Variants in MPHOSPH9 observed in about 807,000 individuals in gnomAD.
MPHOSPH9 encodes M-phase phosphoprotein 9.
In MPHOSPH9, 88 loss-of-function variants were observed where a neutral mutation model predicts 145.5. The ratio of observed to expected loss-of-function variants is 0.60; its 90% CI spans 0.51 to 0.72. The LOEUF is 0.72. Ranked by LOEUF, MPHOSPH9 falls within the 30% of genes least tolerant of loss-of-function variation. The pLI is 0.00. For synonymous variants in MPHOSPH9, 435 were observed against 486.2 expected, an observed-to-expected ratio of 0.89 and a Z score of 1.39; for missense variants, 1,238 against 1,386.6, an observed-to-expected ratio of 0.89 and a Z score of 1.70.
intron 3 of MPHOSPH9, among the ~76,000 whole-genome samples, chr12:123,223,360 T>C (rs564181658): frequency 6.6e-6 from 1 of 152,042 alleles, no homozygotes; most frequent in African/African-American, 2.4e-5. Flanking sequence ...ACAGACCACA[T>C]GCAGCAATAT....
In MPHOSPH9 at chr12:123,203,065, G is replaced by A. The variant is rs376540036; in HGVS notation, c.1340C>T (p.Thr447Met). Residue 447 changes from threonine (T) to methionine (M), a missense_variant, in exon 10 of 24, where the codon ACG (threonine) becomes ATG (methionine). Around this residue, in one of 3 missense-constraint regions of MPHOSPH9, gnomAD observed 837 missense variants for 897.5 expected, o/e 0.93. Transcript: ENST00000606320. ...CTGCTGCTTTGGCTTCATGTGTAAC[G>A]TAGGATCTAGAGTCAGGACCTGGAA... ...HPPEVLTLDP[T>M]LHMKPKQQIS... The A allele has an allele frequency of 2.8e-5, 45 of 1,613,336 alleles. No individual in the cohort carries two copies. The highest frequency in any genetic ancestry group is 6.7e-5 in the Admixed American group (4 of 59,904).
intron 1 of MPHOSPH9, among the ~76,000 whole-genome samples, chr12:123,240,298 C>T (rs1283536963): frequency 3.3e-5 from 5 of 151,018 alleles, no homozygotes; most frequent in African/African-American, 7.3e-5. Flanking sequence ...TGCTAGAACC[C>T]GGGAGGCGGA....
At chr12:123,189,969 T>C (rs1184565994) in intron 13 of MPHOSPH9, among the ~76,000 whole-genome samples, 1 of 150,616 alleles carries the variant, frequency 6.6e-6, no homozygotes, top group African/African-American at 2.4e-5. Flanking sequence ...TAAGTATTGA[T>C]AGTATTTATA....
In MPHOSPH9 at chr12:123,154,675, A is replaced by C. The variant is rs938780726; in HGVS notation, c.*2132T>G. The C allele has an allele frequency of 6.6e-6, 1 of 152,230 alleles. No homozygotes were observed. The highest frequency in any genetic ancestry group is 1.5e-5 in the Non-Finnish European group (1 of 68,048). 9.4% of individuals were successfully genotyped at this position (152,230 alleles called of 1,614,324 possible). On this transcript the variant is annotated 3_prime_UTR_variant, in exon 24 of 24. Coordinates refer to ENST00000606320, the MANE Select transcript of MPHOSPH9 (RefSeq NM_022782.4). ...TAAGAATGTAGTAGATTTTACAATA[A>C]AAGTAGGGAACAAGGAAATATCCTA...
chr12:123,189,843 G>A (rs1443567184), intron 13 of MPHOSPH9, among the ~76,000 whole-genome samples: 1 of 151,966 alleles, frequency 6.6e-6, no homozygotes, highest in Non-Finnish European at 1.5e-5. Flanking sequence ...GGCTGAGGCA[G>A]GAGAATGGCA....
chr12:123,158,194 T>C (rs1218971251), intron 23 of MPHOSPH9, among the ~76,000 whole-genome samples: 1 of 152,112 alleles, frequency 6.6e-6, no homozygotes, highest in East Asian at 1.9e-4. Flanking sequence ...TTCGCCATAT[T>C]GGCCAAGCTG....
chr12:123,202,076 A>C (rs1191643350), intron 11 of MPHOSPH9, 88 bp downstream of exon 11: 1 of 1,315,798 alleles, frequency 7.6e-7, no homozygotes, highest in African/African-American at 1.5e-5. Context: ...GATCCAAAGT[A>C]TTTTCAAAGT....
chr12:123,220,022 C>T (rs2695480), intron 5 of MPHOSPH9, among the ~76,000 whole-genome samples: 126,500 of 151,970 alleles, frequency 0.83, 52,871 homozygotes, highest in East Asian at 1. Context: ...GGCGAAACCC[C>T]GTCTCTACTA....
At chr12:123,221,076 C>T (rs2047181103) in intron 5 of MPHOSPH9, among the ~76,000 whole-genome samples, 1 of 152,126 alleles carries the variant, frequency 6.6e-6, no homozygotes, top group African/African-American at 2.4e-5. Context: ...AAAAATTGTT[C>T]AAATTACATG....
intron 3 of MPHOSPH9, among the ~76,000 whole-genome samples, chr12:123,225,270 C>G (rs551017760): frequency 1.3e-5 from 2 of 151,448 alleles, no homozygotes; most frequent in East Asian, 2.0e-4. Context: ...ATAGCAAAAC[C>G]TTGTCTCAAC....
chr12:123,174,343 C>T (rs1238304921), intron 16 of MPHOSPH9, among the ~76,000 whole-genome samples: 1 of 150,712 alleles, frequency 6.6e-6, no homozygotes, highest in Non-Finnish European at 1.5e-5. Context: ...CATTCTACAA[C>T]TTTACGCACC....
intron 6 of MPHOSPH9, among the ~76,000 whole-genome samples, chr12:123,215,614 T>C (rs991543019): frequency 6.6e-6 from 1 of 152,282 alleles, no homozygotes; most frequent in South Asian, 2.1e-4. Context: ...TACAAACAAT[T>C]GGTTAGTAGT....
chr12:123,183,772 C>A (rs1047334104), intron 13 of MPHOSPH9, among the ~76,000 whole-genome samples: 2 of 151,916 alleles, frequency 1.3e-5, no homozygotes, highest in Admixed American at 1.3e-4. Context: ...TAATCAGAGC[C>A]CAGGACACAT....
At chr12:123,209,861 C>T (rs762095755) in intron 8 of MPHOSPH9, among the ~76,000 whole-genome samples, 195 bp downstream of exon 8, 2 of 151,434 alleles carry the variant, frequency 1.3e-5, no homozygotes, top group Admixed American at 1.3e-4. Context: ...CTCAGCCTCC[C>T]GAGTAGCTGG....
chr12:123,203,514 T>C, intron 8 of MPHOSPH9, 139 bp from the exon 9 acceptor site: 1 of 767,224 alleles, frequency 1.3e-6, no homozygotes, highest in Non-Finnish European at 2.0e-6. Flanking sequence ...TAATACAAGC[T>C]TGGAAGTCAT....
intron 15 of MPHOSPH9, among the ~76,000 whole-genome samples, chr12:123,179,303 C>T (rs936707016): frequency 2.6e-5 from 4 of 151,938 alleles, no homozygotes; most frequent in Non-Finnish European, 5.9e-5. Flanking sequence ...TGCCGGGCTC[C>T]GTGGCTTATG....
At chr12:123,164,578 C>T (rs1329739784) in intron 18 of MPHOSPH9, among the ~76,000 whole-genome samples, 1 of 152,146 alleles carries the variant, frequency 6.6e-6, no homozygotes, top group African/African-American at 2.4e-5. Context: ...GCTCAGTAAC[C>T]AAGAAAGAAG....
At chr12:123,153,330 G>A (rs1031553893), downstream of MPHOSPH9, 4 of 152,200 alleles carry the variant, frequency 2.6e-5, no homozygotes, top group African/African-American at 9.7e-5. Flanking sequence ...ACACACCAGA[G>A]GGATGCTTAA....
intron 8 of MPHOSPH9, among the ~76,000 whole-genome samples, chr12:123,204,958 G>T (rs1428953273): frequency 1.3e-5 from 2 of 152,130 alleles, no homozygotes; most frequent in African/African-American, 4.8e-5. Flanking sequence ...TTGCAGAGAG[G>T]TCTAGGCTCT....
Sources: allele counts gnomAD v4.1 joint callset (sites outside exome capture counted in the v4.1 genomes callset), GRCh38; gene constraint gnomAD v4.1.1; regional missense constraint gnomAD v4.1.1; transcripts MANE v1.5; gene names NCBI Gene and HGNC (gene_info 2026-07-23, HGNC 2026-07-21).